TBC1D4: variants seen among roughly 807,000 people sequenced by gnomAD.
TBC1D4 encodes the protein TBC (Tre-2, BUB2, CDC16) domain-containing protein.
TBC1D4 carries 121 observed loss-of-function variants against 142.5 expected under a neutral mutation model. The ratio of observed to expected loss-of-function variants is 0.85; its 90% CI spans 0.73 to 0.99. TBC1D4 has a LOEUF of 0.99. Ranked by LOEUF, TBC1D4 falls within the 50% of genes least tolerant of loss-of-function variation. The pLI is 0.00. For missense variants in TBC1D4, 1,475 were observed against 1,606.6 expected (o/e 0.92, Z 1.40); for synonymous variants, 630 against 628.2 (o/e 1.00, Z -0.04).
chr13:75,418,373 G>C (rs1436606736), intron 1 of TBC1D4, among the ~76,000 whole-genome samples: 1 of 152,218 alleles, frequency 6.6e-6, no homozygotes, highest in African/African-American at 2.4e-5. Context: ...CCAGACAGGA[G>C]ATGGATCTGG....
intron 1 of TBC1D4, among the ~76,000 whole-genome samples, chr13:75,408,747 T>C (rs1012488468): frequency 6.6e-6 from 1 of 152,186 alleles, no homozygotes; most frequent in Non-Finnish European, 1.5e-5. Flanking sequence ...TTATCAGTCA[T>C]TTTTATTATA....
intron 1 of TBC1D4, among the ~76,000 whole-genome samples, chr13:75,414,222 C>T (rs963994443): frequency 1.3e-5 from 2 of 152,184 alleles, no homozygotes; most frequent in African/African-American, 4.8e-5. Flanking sequence ...GATGACACCA[C>T]TAAAACAGCT....
chr13:75,377,708 A>T (rs997132071), intron 1 of TBC1D4, among the ~76,000 whole-genome samples: 4 of 148,666 alleles, frequency 2.7e-5, no homozygotes, highest in African/African-American at 9.8e-5. Context: ...TATATTATAT[A>T]TATATATATT....
intron 1 of TBC1D4, among the ~76,000 whole-genome samples, chr13:75,363,312 G>T (rs897688965): frequency 6.6e-6 from 1 of 152,100 alleles, no homozygotes; most frequent in African/African-American, 2.4e-5. Flanking sequence ...ATATTCAAAG[G>T]CACTTTTGTC....
chr13:75,386,498 C>T (rs1414582205), intron 1 of TBC1D4, among the ~76,000 whole-genome samples: 2 of 151,360 alleles, frequency 1.3e-5, no homozygotes, highest in Non-Finnish European at 2.9e-5. Context: ...ACGCCATTCT[C>T]CTGCCTCAGC....
At chr13:75,319,201 G>T (rs1878551013) in intron 12 of TBC1D4, among the ~76,000 whole-genome samples, 1 of 152,058 alleles carries the variant, frequency 6.6e-6, no homozygotes, top group African/African-American at 2.4e-5. Context: ...AATTTTCTGA[G>T]GATTTTTTCT....
chr13:75,451,757 G>A, intron 1 of TBC1D4, among the ~76,000 whole-genome samples: 1 of 148,834 alleles, frequency 6.7e-6, no homozygotes, highest in Middle Eastern at 3.5e-3. Context: ...TACATAATGT[G>A]TTATAAAAAT....
At chr13:75,359,201 G>A (rs142218284) in intron 3 of TBC1D4, among the ~76,000 whole-genome samples, 128 of 152,112 alleles carry the variant, frequency 8.4e-4, no homozygotes, top group African/African-American at 3.0e-3. Flanking sequence ...TTTTAATCTT[G>A]TAATCTCTTC....
chr13:75,325,250 G>T (rs1391664308), intron 10 of TBC1D4, among the ~76,000 whole-genome samples: 1 of 110,928 alleles, frequency 9.0e-6, no homozygotes, highest in African/African-American at 2.7e-5. Flanking sequence ...TGAGAATAAT[G>T]AACTCTGTTA....
At chr13:75,411,737 C>T (rs1426649289) in intron 1 of TBC1D4, among the ~76,000 whole-genome samples, 1 of 151,716 alleles carries the variant, frequency 6.6e-6, no homozygotes, top group African/African-American at 2.4e-5. Flanking sequence ...AGGGTTTCAC[C>T]GTGTTGGCCA....
chr13:75,342,903 G>T (rs1282224965), intron 5 of TBC1D4, among the ~76,000 whole-genome samples: 1 of 151,702 alleles, frequency 6.6e-6, no homozygotes, highest in Non-Finnish European at 1.5e-5. Context: ...GTTATTATAA[G>T]GCTGCCTTTG....
chr13:75,476,646 G>A (rs773927440), intron 1 of TBC1D4, among the ~76,000 whole-genome samples: 20 of 152,164 alleles, frequency 1.3e-4, no homozygotes, highest in Non-Finnish European at 2.9e-4. Flanking sequence ...ATATTCCAGA[G>A]TCAAATATTA....
At chr13:75,320,986 G>A (rs1024876731) in intron 11 of TBC1D4, among the ~76,000 whole-genome samples, 20 of 150,968 alleles carry the variant, frequency 1.3e-4, no homozygotes, top group Admixed American at 3.3e-4. Context: ...CTTGCAGTGA[G>A]CTGAGATTGA....
chr13:75,465,284 C>T (rs1244060204), intron 1 of TBC1D4, among the ~76,000 whole-genome samples: 1 of 152,112 alleles, frequency 6.6e-6, no homozygotes, highest in East Asian at 1.9e-4. Flanking sequence ...ATACATGAAG[C>T]AGTGAATGCA....
At chr13:75,460,069 G>T (rs1015323021) in intron 1 of TBC1D4, among the ~76,000 whole-genome samples, 1 of 152,134 alleles carries the variant, frequency 6.6e-6, no homozygotes, top group African/African-American at 2.4e-5. Flanking sequence ...CATGAACCTG[G>T]GAGGCGGAGC....
At position 75,402,951 on chromosome 13, in the gene TBC1D4, G is replaced by A. The variant is rs894346723; in HGVS notation, c.499-40344C>T. Reference sequence around the variant, plus strand: ...CCCTGTCAAAATCAGAGGAAGCTGTGAAGCCTGCCAGCCATCAGGCCCGGG... The same window carrying A: ...CCCTGTCAAAATCAGAGGAAGCTGTAAAGCCTGCCAGCCATCAGGCCCGGG... On this transcript the variant is annotated intron_variant, in intron 1 of 20. Coordinates refer to ENST00000377636, the MANE Select transcript of TBC1D4 (RefSeq NM_014832.5). Among the ~76,000 whole-genome samples, 5 of 152,212 alleles carry A rather than the reference G, an allele frequency of 3.3e-5. No homozygotes were observed. In the South Asian group the frequency reaches 1.0e-3, roughly 32 times the overall value.
intron 1 of TBC1D4, among the ~76,000 whole-genome samples, chr13:75,453,160 TTTATA>T (rs1236338872): frequency 6.6e-6 from 1 of 151,818 alleles, no homozygotes; most frequent in Non-Finnish European, 1.5e-5. Flanking sequence ...TTAATTAAAT[TTTATA>T]TTATATTACT....
At chr13:75,395,345 G>A (rs1884731852) in intron 1 of TBC1D4, among the ~76,000 whole-genome samples, 1 of 152,148 alleles carries the variant, frequency 6.6e-6, no homozygotes, top group Non-Finnish European at 1.5e-5. Flanking sequence ...AAACTAGAAG[G>A]CCCTTTTCGC....
chr13:75,409,282 T>G (rs1046595208), intron 1 of TBC1D4, among the ~76,000 whole-genome samples: 7 of 152,214 alleles, frequency 4.6e-5, no homozygotes, highest in Admixed American at 1.3e-4. Context: ...TTTTCCTTTT[T>G]GCTCAATTTG....
Sources: allele counts gnomAD v4.1 joint callset (sites outside exome capture counted in the v4.1 genomes callset), GRCh38; gene constraint gnomAD v4.1.1; transcripts MANE v1.5; gene names NCBI Gene and HGNC (gene_info 2026-07-23, HGNC 2026-07-21).